EP400: variants seen among roughly 807,000 people sequenced by gnomAD.
EP400 encodes E1A binding protein p400.
A neutral mutation model predicts 354.1 loss-of-function variants in EP400; 105 were observed. That is an observed-to-expected ratio of 0.30 (90% CI 0.25 to 0.35). The LOEUF is 0.35. EP400 is among the 10% of genes least tolerant of loss of function. The pLI, the probability that EP400 is intolerant of heterozygous loss-of-function variation, is 1.00. For synonymous variants in EP400, 1,646 were observed against 1,716.9 expected (o/e 0.96, Z 1.02); for missense variants, 3,280 against 4,121.0 (o/e 0.80, Z 5.59).
Position 131,961,106 on chromosome 12 carries a change from A to G in EP400, c.487A>G (p.Ser163Gly), listed in dbSNP as rs748915901. 1.6e-5 allele frequency: 25 copies of G among 1,609,768 alleles called. No individual in the cohort carries two copies. In the South Asian group the frequency reaches 2.7e-4, roughly 17 times the overall value. The change falls in exon 2 of 53, where the codon AGC (serine) becomes GGC (glycine). Residue 163 changes from serine (S) to glycine (G), a missense_variant. Coordinates refer to ENST00000389561, the MANE Select transcript of EP400 (RefSeq NM_015409.5). ...GAPGPGLGLC[S>G]SSPTGGFVDA... ...CCCTGGCCCTGGGCTGGGCCTCTGC[A>G]GCAGCAGCCCTACAGGGGGCTTCGT...
At position 132,018,280 on chromosome 12, in the gene EP400, T is replaced by C. The variant is rs1029794181; in HGVS notation, c.4181T>C (p.Leu1394Pro). Residue 1394 changes from leucine (L) to proline (P), a missense_variant, in exon 21 of 53, where the codon CTG (leucine) becomes CCG (proline). This residue lies in a region of EP400 where 342 missense variants were observed against 342.7 expected (regional missense o/e 1.00). Transcript: ENST00000389561. This position sits in a 1 kb window ranked among gnomAD's most constrained non-coding sequence, Gnocchi z 4.0. The part of the protein sequence containing the change: ...NKITRHEAEL[L>P]SKKKIPRKLM... ...ATCACTCGTCACGAGGCAGAGTTGCTGTCTAAGAAAAAGATACCGCGGAAA... is the reference window on the plus strand; with the variant it reads ...ATCACTCGTCACGAGGCAGAGTTGCCGTCTAAGAAAAAGATACCGCGGAAA... The C allele has an allele frequency of 3.1e-6, 5 of 1,613,870 alleles. No individual in the cohort carries two copies. Among genetic ancestry groups the C allele is most frequent in the Non-Finnish European group, 3.4e-6 (4 of 1,179,962 alleles).
Position 132,044,187 on chromosome 12 carries a change from T to G in EP400, c.6461T>G (p.Met2154Arg). The G allele has an allele frequency of 6.2e-7, 1 of 1,614,208 alleles. No individual in the cohort carries two copies. Among genetic ancestry groups the G allele is most frequent in the Non-Finnish European group, 8.5e-7 (1 of 1,180,024 alleles). ...TGCTCTCCCCGTCAGGACGCAGTGATGACTGCAGTGAGGGCATGGGAGTTC... is the reference window on the plus strand; with the variant it reads ...TGCTCTCCCCGTCAGGACGCAGTGAGGACTGCAGTGAGGGCATGGGAGTTC... ...EKERNSEDAV[M>R]TAVRAWEFWN... Residue 2154 changes from methionine (M) to arginine (R), a missense_variant, in exon 35 of 53, where the codon ATG becomes AGG. By Grantham distance (91) the Met-to-Arg change is moderately conservative (BLOSUM62 -1). Around this residue, in one of 20 missense-constraint regions of EP400, gnomAD observed 231 missense variants for 257.9 expected, o/e 0.90. Transcript: ENST00000389561.
At chr12:131,972,183 C>T (rs943497758) in intron 2 of EP400, among the ~76,000 whole-genome samples, 15 of 150,500 alleles carry the variant, frequency 1.0e-4, no homozygotes, top group Admixed American at 4.0e-4. Flanking sequence ...AACAGAGTCT[C>T]GCTCTGTCGC....
chr12:131,965,454 A>G (rs1892043846), intron 2 of EP400, among the ~76,000 whole-genome samples: 2 of 152,228 alleles, frequency 1.3e-5, no homozygotes. Flanking sequence ...GTAGGCTGTA[A>G]TATATCACTA....
rs564171454 is a variant in EP400 at position 132,017,349 on chromosome 12, C to A, written c.3924-186C>A. On this transcript the variant is annotated intron_variant, in intron 19 of 52. Transcript: ENST00000389561. This position sits in a 1 kb window ranked among gnomAD's most constrained non-coding sequence, Gnocchi z 5.0. ...CGGATGTCATTCTCAATGGGGATGG[C>A]GAACAAGTGCAGAGGGGCCTGCCTG... Among the ~76,000 whole-genome samples, 1 of 152,272 alleles carries A rather than the reference C, an allele frequency of 6.6e-6. No homozygotes were observed. The highest frequency in any genetic ancestry group is 2.1e-4 in the South Asian group (1 of 4,818).
chr12:132,045,392 A>T lies in EP400; in HGVS notation c.6858A>T (p.Thr2286=), dbSNP rs780052890. 3.7e-6 allele frequency: 6 copies of T among 1,614,130 alleles called. No homozygotes were observed. The Admixed American group carries it at 1.0e-4, about 27-fold the overall frequency. Residue 2286 remains threonine (T), a synonymous_variant, in exon 38 of 53, where the codon ACA becomes ACT. Coordinates refer to ENST00000389561, the MANE Select transcript of EP400 (RefSeq NM_015409.5). ...CTCGGTCCCTGTTTGACCGCGCAAC[A>T]CCAGGACTTCTGAAAATTCGCAGAG... The part of the protein sequence containing the change: ...VPPRSLFDRA[T]PGLLKIRREG...
rs1310759529 is a variant in EP400 at position 132,069,548 on chromosome 12, C to T, written c.8928C>T (p.Ala2976=). 11 of 1,614,244 alleles carry T rather than the reference C, an allele frequency of 6.8e-6. No homozygotes were observed. The highest frequency in any genetic ancestry group is 1.3e-5 in the African/African-American group (1 of 75,060). ...TPGAQQKVAY[A]AQPALKTQFL... The stretch of plus-strand genomic sequence containing the variant: ...GCGCGCAGCAGAAGGTTGCCTACGC[C>T]GCGCAGCCGGCCCTTAAGACCCAGT... The change falls in exon 51 of 53, where the codon GCC becomes GCT. Residue 2976 remains alanine (A), a synonymous_variant. Transcript: ENST00000389561.
chr12:132,047,371 C>T (rs1343942194), intron 39 of EP400, among the ~76,000 whole-genome samples: 5 of 152,200 alleles, frequency 3.3e-5, no homozygotes, highest in South Asian at 2.1e-4. Context: ...AACCTGCCCC[C>T]GATAGTCACG....
Position 132,050,555 on chromosome 12 carries a change from A to G in EP400, c.7338-44A>G, listed in dbSNP as rs1895255119. On this transcript the variant is annotated intron_variant, in intron 40 of 52. Transcript: ENST00000389561. The surrounding 1 kb of genome is among the most constrained non-coding windows in gnomAD (Gnocchi z 4.8). The stretch of plus-strand genomic sequence containing the variant: ...GTTTTTAACATACCCTTCTTCAGAT[A>G]TTTCCTTTATTTAATAATTGCTGTC... 6.2e-7 allele frequency: 1 copy of G among 1,613,568 alleles called. No individual in the cohort carries two copies. Among genetic ancestry groups the G allele is most frequent in the Non-Finnish European group, 8.5e-7 (1 of 1,179,590 alleles).
rs866813727 is a variant in EP400 at position 132,070,538 on chromosome 12, C to T, written c.9021+897C>T. ...CTACCACACCCTTCCTTGGGTGTAG[C>T]GTGCCTATTCTTGGCTCTTTCCACT... On this transcript the variant is annotated intron_variant, in intron 51 of 52. Coordinates refer to ENST00000389561, the MANE Select transcript of EP400 (RefSeq NM_015409.5). The surrounding 1 kb of genome is among the most constrained non-coding windows in gnomAD (Gnocchi z 4.1). Among the ~76,000 whole-genome samples, 9 of 152,330 alleles carry T rather than the reference C, an allele frequency of 5.9e-5. No homozygotes were observed. Among genetic ancestry groups the T allele is most frequent in the African/African-American group, 1.9e-4 (8 of 41,576 alleles).
intron 1 of EP400, among the ~76,000 whole-genome samples, chr12:131,951,520 A>T (rs909521914): frequency 6.6e-6 from 1 of 152,114 alleles, no homozygotes; most frequent in Non-Finnish European, 1.5e-5. Flanking sequence ...GGGTTCGTGG[A>T]TGAGTTGTAT....
Position 131,961,863 on chromosome 12 carries a change from A to G in EP400, c.1244A>G (p.Gln415Arg), listed in dbSNP as rs1450853846. Residue 415 changes from glutamine (Q) to arginine (R), a missense_variant, in exon 2 of 53, where the codon CAA becomes CGA. Gln to Arg is a conservative substitution (Grantham distance 43). Coordinates refer to ENST00000389561, the MANE Select transcript of EP400 (RefSeq NM_015409.5). ...AFKKKHYAPL[Q>R]AYLRQNDLDI... ...AAGAAGAAACATTATGCCCCATTAC[A>G]AGCATATCTTAGGCAGAATGATTTG... is the stretch of plus-strand genomic sequence containing the variant. 2 of 1,614,200 alleles carry G rather than the reference A, an allele frequency of 1.2e-6. No individual in the cohort carries two copies. The highest frequency in any genetic ancestry group is 1.7e-5 in the Admixed American group (1 of 60,020).
chr12:132,020,959 A>G, intron 22 of EP400, 120 bp from the exon 23 acceptor site: 2 of 1,323,538 alleles, frequency 1.5e-6, no homozygotes, highest in Non-Finnish European at 2.0e-6. Context: ...TTAAGAGGGG[A>G]CTTCTCATTT....
chr12:131,957,740 C>T (rs987909821), intron 1 of EP400, among the ~76,000 whole-genome samples: 7 of 152,004 alleles, frequency 4.6e-5, no homozygotes, highest in Admixed American at 2.0e-4. Context: ...GGATTACAGA[C>T]GTGTGCTACC....
chr12:132,028,271 G>T lies in EP400; in HGVS notation c.5364G>T (p.Leu1788=). Residue 1788 remains leucine (L), a synonymous_variant, in exon 27 of 53, where the codon CTG becomes CTT. Coordinates refer to ENST00000389561, the MANE Select transcript of EP400 (RefSeq NM_015409.5). ...MLTLCRCGES[L]QDVIDRVAFV... The stretch of plus-strand genomic sequence containing the variant: ...CGCTTTGTCGGTGTGGAGAGTCTCT[G>T]CAGGATGTTATTGACAGGTACTGCA... The T allele has an allele frequency of 6.2e-7, 1 of 1,613,886 alleles. No homozygotes were observed. Among genetic ancestry groups the T allele is most frequent in the East Asian group, 2.2e-5 (1 of 44,880 alleles).
intron 32 of EP400, among the ~76,000 whole-genome samples, chr12:132,042,993 A>G (rs1470650622): frequency 6.6e-6 from 1 of 152,178 alleles, no homozygotes; most frequent in Non-Finnish European, 1.5e-5. Context: ...TTGTTCTCCA[A>G]GCTTCCTTGG....
Position 132,006,069 on chromosome 12 carries a change from C to T in EP400, c.2936-43C>T, listed in dbSNP as rs200726790. On this transcript the variant is annotated intron_variant, in intron 13 of 52. Transcript: ENST00000389561. The stretch of plus-strand genomic sequence containing the variant: ...TAAAAAAAGGTTTAGATTTATAAAG[C>T]CTTCTCAGTGGCCCTCACTTCTCTG... 212 of 1,556,932 alleles carry T rather than the reference C, an allele frequency of 1.4e-4. No individual in the cohort carries two copies. The African/African-American group carries it at 2.3e-3, about 17-fold the overall frequency.
chr12:132,064,405 G>A (rs966314110), intron 47 of EP400, among the ~76,000 whole-genome samples: 5 of 152,216 alleles, frequency 3.3e-5, no homozygotes, highest in African/African-American at 7.2e-5. Context: ...CGACTTGTTT[G>A]TGAGGATAAT....
At chr12:132,066,407 C>T (rs1376481177) in intron 48 of EP400, 1 of 217,074 alleles carries the variant, frequency 4.6e-6, no homozygotes, top group Non-Finnish European at 9.1e-6. Flanking sequence ...AGGCTGATGT[C>T]GAGTGCTCGC....
Sources: gnomAD v4.1 joint callset for allele counts (sites outside exome capture counted in the v4.1 genomes callset) on GRCh38, gnomAD v4.1.1 for gene constraint, gnomAD v4.1.1 regional missense constraint, Gnocchi (gnomAD v3.1) non-coding constraint, MANE v1.5 for transcripts, NCBI Gene and HGNC (gene_info 2026-07-23, HGNC 2026-07-21) for gene names.